The following NFX1 variants were observed in gnomAD, a reference collection of about 807,000 sequenced individuals.
NFX1 encodes the protein nuclear transcription factor, X-box binding 1.
In NFX1, 69 loss-of-function variants were observed where a neutral mutation model predicts 137.2. That is an observed-to-expected ratio of 0.50 (90% confidence interval 0.41 to 0.61). The LOEUF is 0.61. NFX1 is among the 20% of genes least tolerant of loss of function. NFX1 has a pLI of 0.00. For synonymous variants in NFX1, 495 were observed against 474.1 expected (o/e 1.04, Z -0.57); for missense variants, 1,167 against 1,391.0 (o/e 0.84, Z 2.56).
rs1217690539 is a variant in NFX1 at position 33,364,066 on chromosome 9, C to A, written c.2930C>A (p.Ser977Tyr). 2 of 1,605,586 alleles carry A rather than the reference C, an allele frequency of 1.2e-6. No homozygotes were observed. The highest frequency in any genetic ancestry group is 2.3e-5 in the East Asian group (1 of 44,352). ...SEDSDPFNIRSSGSKFSDSLK... is the reference protein window; with the variant it reads ...SEDSDPFNIRYSGSKFSDSLK... ...GATTCTGATCCTTTCAATATACGTT[C>A]TTCAGGGTCAAAATTCAGTGATAGT... The change falls in exon 20 of 24, where the codon TCT (serine) becomes TAT (tyrosine). Residue 977 changes from serine to tyrosine, a missense_variant. Ser to Tyr is a moderately radical substitution (Grantham distance 144). Transcript: ENST00000379540.
intron 15 of NFX1, chr9:33,347,800 T>C (rs1446000051): frequency 3.6e-6 from 1 of 274,160 alleles, no homozygotes; most frequent in African/African-American, 2.3e-5. Context: ...AGTCAACAAG[T>C]GGATAAAGAA....
At chr9:33,307,797 T>TC (rs201966078) in intron 5 of NFX1, among the ~76,000 whole-genome samples, 5 of 23,864 alleles carry the variant, frequency 2.1e-4, no homozygotes, top group African/African-American at 2.4e-4. Flanking sequence ...TTTCTTTCTT[T>TC]TTTTTTTTTT....
rs747729005 is a variant in NFX1 at position 33,366,609 on chromosome 9, C to CT, written c.3040-20_3040-19insT. 6.2e-7 allele frequency: 1 copy of CT among 1,612,348 alleles called. No homozygotes were observed. Among genetic ancestry groups the CT allele is most frequent in the Admixed American group, 1.7e-5 (1 of 59,908 alleles). On this transcript the variant is annotated intron_variant, in intron 21 of 23. Coordinates refer to ENST00000379540, the MANE Select transcript of NFX1 (RefSeq NM_002504.6). Reference sequence around the variant, plus strand: ...TTTCAGAATGATATGATCAATCAGTCATCTTTTCCCTCAATACAGGGAAAG... The same window carrying CT: ...TTTCAGAATGATATGATCAATCAGTCTATCTTTTCCCTCAATACAGGGAAAG...
intron 23 of NFX1, among the ~76,000 whole-genome samples, chr9:33,368,531 TG>T (rs1824235955): frequency 6.6e-6 from 1 of 152,144 alleles, no homozygotes; most frequent in African/African-American, 2.4e-5. Context: ...TTAGAGCACT[TG>T]GTCATAGCCC....
At chr9:33,356,593 A>G (rs1823816915) in intron 19 of NFX1, among the ~76,000 whole-genome samples, 1 of 152,172 alleles carries the variant, frequency 6.6e-6, no homozygotes. Context: ...GGCAATGACA[A>G]TATTCTGTTA....
intron 19 of NFX1, 151 bp from the exon 20 acceptor site, chr9:33,363,859 A>C: frequency 2.1e-6 from 1 of 469,050 alleles, no homozygotes; most frequent in South Asian, 4.4e-5. Flanking sequence ...CTCATGTCCC[A>C]AGTTGTTGTT....
chr9:33,333,829 GA>G (rs1230971984), intron 11 of NFX1, among the ~76,000 whole-genome samples: 24 of 152,032 alleles, frequency 1.6e-4, no homozygotes, highest in East Asian at 1.9e-4. Flanking sequence ...CTGTATCAAG[GA>G]AAAAAAGTTT....
chr9:33,294,604 G>A lies in NFX1; in HGVS notation c.210G>A (p.Gln70=), dbSNP rs370561523. The change falls in exon 2 of 24, where the codon CAG becomes CAA. Residue 70 remains glutamine, a synonymous_variant. Coordinates refer to ENST00000379540, the MANE Select transcript of NFX1 (RefSeq NM_002504.6). ...VPYDEISAVH[Q]HSYHPSGSKP... ...ATGATGAAATCTCTGCTGTTCATCA[G>A]CATAGTTATCATCCGTCAGGAAGCA... The A allele has an allele frequency of 3.7e-6, 6 of 1,613,994 alleles. No homozygotes were observed. The highest frequency in any genetic ancestry group is 5.1e-6 in the Non-Finnish European group (6 of 1,180,026).
intron 12 of NFX1, among the ~76,000 whole-genome samples, chr9:33,338,794 C>A (rs1196464895): frequency 2.0e-5 from 3 of 152,236 alleles, no homozygotes; most frequent in Admixed American, 1.3e-4. Context: ...GTTAAGAAGT[C>A]AGCCAGTGGC....
intron 19 of NFX1, among the ~76,000 whole-genome samples, chr9:33,355,475 C>T (rs955590829): frequency 3.3e-5 from 5 of 151,942 alleles, no homozygotes; most frequent in African/African-American, 9.7e-5. Flanking sequence ...TGGCTTCTTT[C>T]GTTATATTTT....
At chr9:33,361,180 A>C (rs1276204372) in intron 19 of NFX1, among the ~76,000 whole-genome samples, 1 of 152,236 alleles carries the variant, frequency 6.6e-6, no homozygotes, top group Non-Finnish European at 1.5e-5. Context: ...ATGGGAAATG[A>C]TTAAAATATG....
rs61006461 is a variant in NFX1, at chr9:33,346,432, C to T, written c.2345-606C>T. Among the ~76,000 whole-genome samples, 855 of 152,196 alleles carry T rather than the reference C, an allele frequency of 5.6e-3. 9 individuals carry two copies. Among genetic ancestry groups the T allele is most frequent in the African/African-American group, 0.02 (825 of 41,518 alleles). On this transcript the variant is annotated intron_variant, in intron 14 of 23. Transcript: ENST00000379540. ...TGACCTTGAGGTTCTTAACATTCTC[C>T]GAGAGGAGGAGGACAGTAGTTCAAT...
chr9:33,317,564 C>T (rs1353827290), intron 7 of NFX1, among the ~76,000 whole-genome samples: 1 of 151,002 alleles, frequency 6.6e-6, no homozygotes, highest in East Asian at 1.9e-4. Context: ...GGCACAGTGG[C>T]TCACACCTGT....
At chr9:33,356,782 C>T (rs1405829587) in intron 19 of NFX1, among the ~76,000 whole-genome samples, 2 of 152,002 alleles carry the variant, frequency 1.3e-5, no homozygotes, top group Non-Finnish European at 2.9e-5. Flanking sequence ...CTCTGTCATA[C>T]ATCACATATA....
rs928028043 is a variant in NFX1, at chr9:33,321,673, T to G, written c.1906+2546T>G. On this transcript the variant is annotated intron_variant, in intron 9 of 23. Coordinates refer to ENST00000379540, the MANE Select transcript of NFX1 (RefSeq NM_002504.6). ...GGAGAACTGCTTGAGTCCAGGACTT[T>G]GAGACCAGCCTGGGCAACATGGCAA... Among the ~76,000 whole-genome samples the G allele has an allele frequency of 2.6e-4, 39 of 152,212 alleles. No individual in the cohort carries two copies. The Middle Eastern group carries it at 0.01, about 40-fold the overall frequency.
At chr9:33,368,031 C>T (rs554094756) in intron 23 of NFX1, among the ~76,000 whole-genome samples, 18 of 152,198 alleles carry the variant, frequency 1.2e-4, no homozygotes, top group African/African-American at 4.3e-4. Context: ...GTCAGGAGTT[C>T]GAGACCAGCC....
chr9:33,354,948 A>G, intron 19 of NFX1, 56 bp downstream of exon 19: 2 of 1,560,328 alleles, frequency 1.3e-6, no homozygotes, highest in South Asian at 1.1e-5. Flanking sequence ...TGTGAAATTA[A>G]TGGGAGGGAG....
chr9:33,291,365 T>G (rs536055820), intron 1 of NFX1, among the ~76,000 whole-genome samples: 107 of 152,346 alleles, frequency 7.0e-4, no homozygotes, highest in African/African-American at 2.4e-3. Context: ...TTGGTTGGTT[T>G]GTTTTACAAT....
rs1192183848 is a variant in NFX1, at chr9:33,370,530, T to A, written c.*552T>A. The A allele has an allele frequency of 6.6e-6, 1 of 152,628 alleles. No individual in the cohort carries two copies. The highest frequency in any genetic ancestry group is 1.9e-4 in the East Asian group (1 of 5,204). The allele number at this position is 152,628 out of a possible 1,614,324, so 9.5% of individuals were successfully genotyped here. ...ACCCAGCCATCATACCTAAGTCTTT[T>A]GCCAAAACCTCTCATAGGTATATCT... is the stretch of plus-strand genomic sequence containing the variant. On this transcript the variant is annotated 3_prime_UTR_variant, in exon 24 of 24. Coordinates refer to ENST00000379540, the MANE Select transcript of NFX1 (RefSeq NM_002504.6).
Sources: gnomAD v4.1 joint callset for allele counts (sites outside exome capture counted in the v4.1 genomes callset) on GRCh38, gnomAD v4.1.1 for gene constraint, MANE v1.5 for transcripts, NCBI Gene and HGNC (gene_info 2026-07-23, HGNC 2026-07-21) for gene names.